The following PPM1H variants were observed in gnomAD, a reference collection of about 807,000 sequenced individuals.
The protein encoded by PPM1H is protein phosphatase, Mg2+/Mn2+ dependent 1H.
Under a neutral mutation model 54.9 loss-of-function variants are expected in PPM1H, and 27 were observed. The observed-to-expected ratio is 0.49, with a 90% CI of 0.36 to 0.68. The LOEUF is 0.68. PPM1H is among the 30% of genes least tolerant of loss of function. The pLI, the probability that PPM1H is intolerant of heterozygous loss-of-function variation, is 0.00. For missense variants in PPM1H, 596 were observed against 667.8 expected (o/e 0.89, Z 1.19); for synonymous variants, 305 against 270.8 (o/e 1.13, Z -1.24).
intron 1 of PPM1H, among the ~76,000 whole-genome samples, chr12:62,846,219 C>T (rs1284403772): frequency 6.6e-6 from 1 of 152,156 alleles, no homozygotes; most frequent in Non-Finnish European, 1.5e-5. Flanking sequence ...AACTTTTGGG[C>T]CAGGTGCGGT....
At chr12:62,673,235 C>A (rs1259649405) in intron 8 of PPM1H, among the ~76,000 whole-genome samples, 1 of 152,192 alleles carries the variant, frequency 6.6e-6, no homozygotes, top group Non-Finnish European at 1.5e-5. Context: ...CTTCAGAGCA[C>A]TTAGAGATGT....
chr12:62,663,077 G>T lies in PPM1H; in HGVS notation c.1397+4101C>A, dbSNP rs117579867. 1.2e-3 allele frequency among the ~76,000 whole-genome samples: 177 copies of T among 152,146 alleles called. 2 individuals are homozygous for T. The East Asian group carries it at 0.03, about 26-fold the overall frequency. Reference sequence around the variant, plus strand: ...GCTTTGGCTCATTTTGGGGGTGGGGGAGGTGCTATAAAGTATCCCAATATT... The same window carrying T: ...GCTTTGGCTCATTTTGGGGGTGGGGTAGGTGCTATAAAGTATCCCAATATT... On this transcript the variant is annotated intron_variant, in intron 9 of 9. Transcript: ENST00000228705.
intron 1 of PPM1H, among the ~76,000 whole-genome samples, chr12:62,866,642 T>C (rs1194780108): frequency 6.6e-6 from 1 of 152,086 alleles, no homozygotes; most frequent in Non-Finnish European, 1.5e-5. Flanking sequence ...ACCAGTCAAA[T>C]CTTCAGATGC....
chr12:62,875,565 A>C (rs769141930), intron 1 of PPM1H, among the ~76,000 whole-genome samples: 2 of 152,074 alleles, frequency 1.3e-5, no homozygotes, highest in Non-Finnish European at 2.9e-5. Flanking sequence ...TACCATGAAT[A>C]TTTTTCTATA....
chr12:62,834,801 G>A (rs1868452730), intron 1 of PPM1H, among the ~76,000 whole-genome samples: 2 of 152,220 alleles, frequency 1.3e-5, no homozygotes, highest in African/African-American at 4.8e-5. Context: ...AAACCAGGCA[G>A]AGGAAGGAGG....
chr12:62,732,575 G>GTTT (rs752751007), intron 5 of PPM1H, among the ~76,000 whole-genome samples: 2 of 141,936 alleles, frequency 1.4e-5, no homozygotes, highest in African/African-American at 2.6e-5. Context: ...TTTGTTTTCG[G>GTTT]TTTTTTTTTT....
intron 1 of PPM1H, among the ~76,000 whole-genome samples, chr12:62,851,943 C>T (rs201978687): frequency 6.6e-6 from 1 of 151,070 alleles, no homozygotes; most frequent in Non-Finnish European, 1.5e-5. Context: ...AGAGATGGGG[C>T]TTTTGGATGG....
At chr12:62,659,326 C>T (rs2075868975) in intron 9 of PPM1H, 1 of 459,292 alleles carries the variant, frequency 2.2e-6, no homozygotes, top group African/African-American at 2.1e-5. Flanking sequence ...TCTGGCTCAT[C>T]CATAAAGCCG....
chr12:62,688,260 C>T (rs1401090112), intron 8 of PPM1H, among the ~76,000 whole-genome samples: 1 of 152,062 alleles, frequency 6.6e-6, no homozygotes, highest in Non-Finnish European at 1.5e-5. Flanking sequence ...AGGCTTGGAC[C>T]TACTGCCACC....
At chr12:62,743,111 G>A (rs1341634069) in intron 4 of PPM1H, among the ~76,000 whole-genome samples, 2 of 152,196 alleles carry the variant, frequency 1.3e-5, no homozygotes, top group Non-Finnish European at 2.9e-5. Flanking sequence ...AGCACTTTGG[G>A]AGGCCAAGGG....
chr12:62,808,512 C>A (rs998385084), intron 2 of PPM1H, among the ~76,000 whole-genome samples: 2 of 152,128 alleles, frequency 1.3e-5, no homozygotes, highest in Non-Finnish European at 2.9e-5. Context: ...ATGAGTCTAA[C>A]AGCCTGCTCT....
chr12:62,717,301 G>A (rs1022879165), intron 6 of PPM1H, among the ~76,000 whole-genome samples: 1 of 152,208 alleles, frequency 6.6e-6, no homozygotes, highest in Non-Finnish European at 1.5e-5. Context: ...GCCGTTTGGG[G>A]AATTAGGCTG....
chr12:62,788,428 T>C, intron 3 of PPM1H, 90 bp from the exon 4 acceptor site: 1 of 787,602 alleles, frequency 1.3e-6, no homozygotes, highest in Admixed American at 2.3e-5. Flanking sequence ...CCCCAGACTC[T>C]GAATGTGCTT....
At position 62,722,210 on chromosome 12, in the gene PPM1H, A is replaced by G. The variant is rs114918448; in HGVS notation, c.955-1921T>C. On this transcript the variant is annotated intron_variant, in intron 5 of 9. Transcript: ENST00000228705. ...GCATAAGTGGTCAACGGACAGCACC[A>G]TCTGTTATAAGCCCTTTATGATCTT... Among the ~76,000 whole-genome samples the G allele has an allele frequency of 2.6e-3, 393 of 152,288 alleles. 1 individual carries two copies. The highest frequency in any genetic ancestry group is 0.01 in the Middle Eastern group (3 of 294).
At chr12:62,777,481 T>C (rs1033687025) in intron 4 of PPM1H, among the ~76,000 whole-genome samples, 2 of 152,212 alleles carry the variant, frequency 1.3e-5, no homozygotes, top group African/African-American at 4.8e-5. Flanking sequence ...GCTCCTACCA[T>C]GACATTTTAC....
chr12:62,708,447 T>TGCTGGGAAACCTGGAGA (rs2076187858), intron 6 of PPM1H, among the ~76,000 whole-genome samples: 1 of 152,192 alleles, frequency 6.6e-6, no homozygotes, highest in Admixed American at 6.5e-5. Context: ...GCCAATTTCC[T>TGCTGGGAAACCTGGAGA]GCTGGGAAAC....
chr12:62,827,685 A>G (rs1300032991), intron 2 of PPM1H, among the ~76,000 whole-genome samples: 1 of 152,106 alleles, frequency 6.6e-6, no homozygotes, highest in Non-Finnish European at 1.5e-5. Flanking sequence ...TTGCCTATAC[A>G]TGTTCCTTCT....
intron 5 of PPM1H, 45 bp downstream of exon 5, chr12:62,737,457 C>G: frequency 7.4e-7 from 1 of 1,359,804 alleles, no homozygotes; most frequent in Non-Finnish European, 1.0e-6. Flanking sequence ...GCTCCGATGC[C>G]ATCCCTGATG....
rs867668329 is a variant in PPM1H, at chr12:62,838,769, A to C, written c.246-6490T>G. 4.2e-4 allele frequency among the ~76,000 whole-genome samples: 56 copies of C among 133,286 alleles called. 5 individuals are homozygous for C. Among genetic ancestry groups the C allele is most frequent in the Middle Eastern group, 3.8e-3 (1 of 264 alleles). The allele number at this position is 133,286 out of a possible 152,430, so 87.4% of individuals were successfully genotyped here. A position where few individuals can be genotyped will look rare whatever the true frequency, so the allele number is the denominator to read the frequency against. On this transcript the variant is annotated intron_variant, in intron 1 of 9. Coordinates refer to ENST00000228705, the MANE Select transcript of PPM1H (RefSeq NM_020700.2). ...ACCCCGTCTCTACTAAAAATACAAAAAATTAGCCGGGCGTAGTGGCGGGCG... is the reference window on the plus strand; with the variant it reads ...ACCCCGTCTCTACTAAAAATACAAACAATTAGCCGGGCGTAGTGGCGGGCG...
Sources: gnomAD v4.1 joint callset for allele counts (sites outside exome capture counted in the v4.1 genomes callset) on GRCh38, gnomAD v4.1.1 for gene constraint, MANE v1.5 for transcripts, NCBI Gene and HGNC (gene_info 2026-07-23, HGNC 2026-07-21) for gene names.